PITPNC1: variants seen among roughly 807,000 people sequenced by gnomAD.
PITPNC1 encodes cytoplasmic phosphatidylinositol transfer protein 1.
PITPNC1 carries 18 observed loss-of-function variants against 44.7 expected under a neutral mutation model. The ratio of observed to expected loss-of-function variants is 0.40; its 90% CI spans 0.28 to 0.60. The LOEUF is 0.60. Among genes scored for constraint, PITPNC1 ranks in the 20% least tolerant of loss-of-function variants. The pLI, the probability that PITPNC1 is intolerant of heterozygous loss-of-function variation, is 0.39. For synonymous variants in PITPNC1, 141 were observed against 149.6 expected (o/e 0.94, Z 0.42); for missense variants, 290 against 418.4 (o/e 0.69, Z 2.68).
chr17:67,478,593 T>C (rs188888123), intron 1 of PITPNC1, among the ~76,000 whole-genome samples: 148 of 152,138 alleles, frequency 9.7e-4, no homozygotes, highest in African/African-American at 3.2e-3. Flanking sequence ...TCTTCCAACC[T>C]TCCTCCCCCA....
intron 6 of PITPNC1, among the ~76,000 whole-genome samples, chr17:67,655,209 A>G (rs1194667405): frequency 6.6e-6 from 1 of 152,118 alleles, no homozygotes; most frequent in East Asian, 1.9e-4. Context: ...CGCCCCTCTC[A>G]CTGTGTCCTC....
At chr17:67,683,413 A>G (rs925458663) in intron 8 of PITPNC1, among the ~76,000 whole-genome samples, 1 of 152,212 alleles carries the variant, frequency 6.6e-6, no homozygotes, top group African/African-American at 2.4e-5. Context: ...TTACCAGCTA[A>G]CCTGAACAGG....
At chr17:67,650,255 A>C (rs1357223907) in intron 6 of PITPNC1, among the ~76,000 whole-genome samples, 6 of 152,126 alleles carry the variant, frequency 3.9e-5, no homozygotes, top group African/African-American at 1.2e-4. Flanking sequence ...TGAAATGAGA[A>C]AGCGAATCTG....
At chr17:67,573,532 C>G (rs73335940) in intron 4 of PITPNC1, among the ~76,000 whole-genome samples, 4,931 of 147,828 alleles carry the variant, frequency 0.033, 167 homozygotes, top group Admixed American at 0.089. Flanking sequence ...AAAGTAGAGA[C>G]AGGAAGCACT....
At chr17:67,395,207 GC>G (rs2038199924) in intron 1 of PITPNC1, among the ~76,000 whole-genome samples, 2 of 149,468 alleles carry the variant, frequency 1.3e-5, no homozygotes, top group Non-Finnish European at 3.0e-5. Flanking sequence ...CCACTCTGTT[GC>G]CCAGGCACCA....
chr17:67,585,132 A>AC (rs2041296000), intron 5 of PITPNC1, among the ~76,000 whole-genome samples: 1 of 151,726 alleles, frequency 6.6e-6, no homozygotes, highest in Admixed American at 6.6e-5. Flanking sequence ...AAAAAAAAAA[A>AC]AAAACCAGAC....
chr17:67,521,625 A>C (rs1467321617), intron 1 of PITPNC1, among the ~76,000 whole-genome samples: 4 of 152,094 alleles, frequency 2.6e-5, no homozygotes, highest in African/African-American at 4.8e-5. Flanking sequence ...TACACATTGA[A>C]TCACAGGGCC....
At chr17:67,618,959 T>C (rs1203602039) in intron 5 of PITPNC1, among the ~76,000 whole-genome samples, 7 of 151,830 alleles carry the variant, frequency 4.6e-5, no homozygotes, top group Admixed American at 4.6e-4. Context: ...CTCGGGAGGC[T>C]GAGGCCGAAG....
chr17:67,494,087 A>G (rs1051562289), intron 1 of PITPNC1, among the ~76,000 whole-genome samples: 2 of 152,148 alleles, frequency 1.3e-5, no homozygotes, highest in Non-Finnish European at 2.9e-5. Flanking sequence ...TATACGATAC[A>G]TATGGTACTA....
chr17:67,524,179 A>G (rs1430268068), intron 1 of PITPNC1, among the ~76,000 whole-genome samples: 2 of 152,174 alleles, frequency 1.3e-5, no homozygotes, highest in Non-Finnish European at 2.9e-5. Context: ...ATGGTAGCTT[A>G]CACCTATAAT....
At chr17:67,542,582 A>G (rs1449443671) in intron 2 of PITPNC1, among the ~76,000 whole-genome samples, 1 of 152,218 alleles carries the variant, frequency 6.6e-6, no homozygotes, top group Admixed American at 6.5e-5. Context: ...TGATCAAGGT[A>G]GGGTCCAAGG....
chr17:67,526,200 G>T (rs1048767043), intron 1 of PITPNC1, among the ~76,000 whole-genome samples: 1 of 152,182 alleles, frequency 6.6e-6, no homozygotes, highest in African/African-American at 2.4e-5. Context: ...CCCACTAGGT[G>T]CTTTAGGGTA....
intron 1 of PITPNC1, among the ~76,000 whole-genome samples, chr17:67,480,799 A>G (rs1001895660): frequency 1.3e-5 from 2 of 152,162 alleles, no homozygotes; most frequent in Non-Finnish European, 2.9e-5. Context: ...TATGAATCTC[A>G]GTTAATACGA....
intron 4 of PITPNC1, among the ~76,000 whole-genome samples, chr17:67,575,952 C>T (rs1036586987): frequency 7.0e-6 from 1 of 143,682 alleles, no homozygotes; most frequent in African/African-American, 2.6e-5. Flanking sequence ...TCTCAGCTCA[C>T]TGCAACCTCC....
At position 67,407,164 on chromosome 17, in the gene PITPNC1, G is replaced by A. The variant is rs112779104; in HGVS notation, c.48+28962G>A. Among the ~76,000 whole-genome samples the A allele has an allele frequency of 9.7e-3, 1,479 of 152,224 alleles. 23 individuals are homozygous for A. Among genetic ancestry groups the A allele is most frequent in the African/African-American group, 0.033 (1,391 of 41,534 alleles). The stretch of plus-strand genomic sequence containing the variant: ...ATGGTTCCAATTTCTCTACATCCTG[G>A]CCAGCACTGTACTTTCTGTCTTTTT... On this transcript the variant is annotated intron_variant, in intron 1 of 8. Transcript: ENST00000581322.
At chr17:67,627,472 G>A (rs188754297) in intron 5 of PITPNC1, among the ~76,000 whole-genome samples, 4 of 152,312 alleles carry the variant, frequency 2.6e-5, no homozygotes, top group Admixed American at 2.6e-4. Flanking sequence ...TGGACTAAAG[G>A]ATGCCTTGGT....
At chr17:67,477,085 ATTTG>A (rs1360036843) in intron 1 of PITPNC1, among the ~76,000 whole-genome samples, 2 of 151,872 alleles carry the variant, frequency 1.3e-5, no homozygotes, top group East Asian at 1.9e-4. Flanking sequence ...AGGATGTCTT[ATTTG>A]TTTATTTATG....
At chr17:67,529,114 C>T (rs907169297) in intron 1 of PITPNC1, among the ~76,000 whole-genome samples, 17 of 152,140 alleles carry the variant, frequency 1.1e-4, no homozygotes, top group African/African-American at 3.9e-4. Context: ...GTGTCTGCCC[C>T]GCGCCGGCTC....
chr17:67,434,191 C>A (rs1335758921), intron 1 of PITPNC1, among the ~76,000 whole-genome samples: 1 of 152,172 alleles, frequency 6.6e-6, no homozygotes, highest in African/African-American at 2.4e-5. Context: ...CTTATGGCTC[C>A]GTAATGGTGA....
Sources: allele counts gnomAD v4.1 joint callset (sites outside exome capture counted in the v4.1 genomes callset), GRCh38; gene constraint gnomAD v4.1.1; transcripts MANE v1.5; gene names NCBI Gene and HGNC (gene_info 2026-07-23, HGNC 2026-07-21).